The following AP2M1 variants were observed in gnomAD, a reference collection of about 807,000 sequenced individuals.
AP2M1 encodes AP-2 complex subunit mu.
Under a neutral mutation model 54.5 loss-of-function variants are expected in AP2M1, and 5 were observed. The observed-to-expected ratio is 0.09, with a 90% CI of 0.05 to 0.19. The LOEUF (loss-of-function observed/expected upper bound fraction) is 0.19. Among genes scored for constraint, AP2M1 ranks in the 10% least tolerant of loss-of-function variants. AP2M1 has a pLI of 1.00. For missense variants in AP2M1, 178 were observed against 580.2 expected, an observed-to-expected ratio of 0.31 and a Z score of 7.12; for synonymous variants, 186 against 208.2, an observed-to-expected ratio of 0.89 and a Z score of 0.92.
chr3:184,180,837 G>A lies in AP2M1; in HGVS notation c.430-12G>A. 6.2e-7 allele frequency: 1 copy of A among 1,614,206 alleles called. No homozygotes were observed. Among genetic ancestry groups the A allele is most frequent in the Non-Finnish European group, 8.5e-7 (1 of 1,180,048 alleles). On this transcript the variant is annotated splice_polypyrimidine_tract_variant and intron_variant, in intron 5 of 11. Coordinates refer to ENST00000292807, the MANE Select transcript of AP2M1 (RefSeq NM_004068.4). The surrounding 1 kb of genome is among the most constrained non-coding windows in gnomAD (Gnocchi z 4.9). ...AGTGAGGCCATTGCTGTTTGTTTCT[G>A]CCCTCATGTAGACAAAAGAAGAGCA...
At chr3:184,175,092 A>C in intron 1 of AP2M1, 133 bp downstream of exon 1, 1 of 396,502 alleles carries the variant, frequency 2.5e-6, no homozygotes, top group Non-Finnish European at 4.4e-6. Context: ...CAGCCTTCGG[A>C]CCCGGGAGCT....
In AP2M1 at chr3:184,180,635, C is replaced by T. The variant is rs757273499; in HGVS notation, c.424-10C>T. 4.3e-6 allele frequency: 7 copies of T among 1,613,922 alleles called. No homozygotes were observed. In the Admixed American group the frequency reaches 5.0e-5, roughly 12 times the overall value. On this transcript the variant is annotated splice_polypyrimidine_tract_variant and intron_variant, in intron 4 of 11. Transcript: ENST00000292807. This position sits in a 1 kb window ranked among gnomAD's most constrained non-coding sequence, Gnocchi z 4.9. ...TCATGTGGGCACCTCGTTGGCCCTG[C>T]GGCCTCCAGCATCAGGTAAGCTCTT...
chr3:184,180,135 T>C lies in AP2M1; in HGVS notation c.341-34T>C. 6.2e-7 allele frequency: 1 copy of C among 1,607,838 alleles called. No individual in the cohort carries two copies. The highest frequency in any genetic ancestry group is 1.1e-5 in the South Asian group (1 of 90,820). On this transcript the variant is annotated intron_variant, in intron 3 of 11. Transcript: ENST00000292807. The surrounding 1 kb of genome is among the most constrained non-coding windows in gnomAD (Gnocchi z 4.9). ...AGTAGGGGCTGGAATGAAGAAGCTC[T>C]GTCCAGGGGCTGATGGTTCCCTTCT...
intron 2 of AP2M1, chr3:184,177,930 T>G (rs2109028945): frequency 1.7e-6 from 1 of 598,720 alleles, no homozygotes. Flanking sequence ...TTGCGGGCGT[T>G]TGTCCATTGG....
chr3:184,179,574 T>C (rs898683664), intron 3 of AP2M1, among the ~76,000 whole-genome samples: 6 of 152,180 alleles, frequency 3.9e-5, no homozygotes, highest in African/African-American at 1.2e-4. Flanking sequence ...TACTTCCACC[T>C]TCCCAATGTC....
Position 184,182,402 on chromosome 3 carries a change from G to A in AP2M1, c.1061+154G>A. On this transcript the variant is annotated intron_variant, in intron 10 of 11. Transcript: ENST00000292807. This position sits in a 1 kb window ranked among gnomAD's most constrained non-coding sequence, Gnocchi z 5.5. Reference sequence around the variant, plus strand: ...GTACTGTCAGTCTTTATACCTCCATGTGAGTATGTACACGCCTGCATTTGG... The same window carrying A: ...GTACTGTCAGTCTTTATACCTCCATATGAGTATGTACACGCCTGCATTTGG... 1 of 777,852 alleles carries A rather than the reference G, an allele frequency of 1.3e-6. No homozygotes were observed. The highest frequency in any genetic ancestry group is 1.8e-5 in the South Asian group (1 of 54,420). The allele number at this position is 777,852 out of a possible 1,614,324, so 48.2% of individuals were successfully genotyped here.
rs906276005 is a variant in AP2M1, at chr3:184,175,094, C to A, written c.-44+135C>A. On this transcript the variant is annotated intron_variant, in intron 1 of 11. Coordinates refer to ENST00000292807, the MANE Select transcript of AP2M1 (RefSeq NM_004068.4). ...CCGGGAGTGGCTTCAGCCTTCGGAC[C>A]CGGGAGCTAGCTGACGGTGGGGCGG... The A allele has an allele frequency of 7.6e-6, 3 of 395,210 alleles. No homozygotes were observed. In the Admixed American group the frequency reaches 1.3e-4, roughly 17 times the overall value. The allele number at this position is 395,210 out of a possible 1,614,324, so 24.5% of individuals were successfully genotyped here. A position where few individuals can be genotyped will look rare whatever the true frequency, so the allele number is the denominator to read the frequency against.
rs1715178065 is a variant in AP2M1, at chr3:184,178,962, G to T, written c.180G>T (p.Arg60=). ...GCACCAGCTTCTTCCACGTTAAGCG[G>T]TCCAACATTTGGCTGGCAGCAGTCA... The part of the protein sequence containing the change: ...IARTSFFHVK[R]SNIWLAAVTK... The change falls in exon 3 of 12, where the codon CGG becomes CGT. Residue 60 remains arginine, a synonymous_variant. Coordinates refer to ENST00000292807, the MANE Select transcript of AP2M1 (RefSeq NM_004068.4). The surrounding 1 kb of genome is among the most constrained non-coding windows in gnomAD (Gnocchi z 4.9). 3 of 1,614,178 alleles carry T rather than the reference G, an allele frequency of 1.9e-6. No individual in the cohort carries two copies. The East Asian group carries it at 6.7e-5, about 36-fold the overall frequency.
At position 184,178,098 on chromosome 3, in the gene AP2M1, T is replaced by C; in HGVS notation, c.75-759T>C. On this transcript the variant is annotated intron_variant, in intron 2 of 11. Transcript: ENST00000292807. This position sits in a 1 kb window ranked among gnomAD's most constrained non-coding sequence, Gnocchi z 4.9. ...CCGCCTTGCCTGTCTTGTCTGCTTC[T>C]GCCTCACGGTGTGTGCCGCCCTCCC... is the stretch of plus-strand genomic sequence containing the variant. 1 of 1,265,482 alleles carries C rather than the reference T, an allele frequency of 7.9e-7. No individual in the cohort carries two copies. Among genetic ancestry groups the C allele is most frequent in the Non-Finnish European group, 1.1e-6 (1 of 900,630 alleles). 78.4% of individuals were successfully genotyped at this position (1,265,482 alleles called of 1,614,324 possible).
rs1229898508 is a variant in AP2M1 at position 184,178,233 on chromosome 3, C to T, written c.75-624C>T. 1 of 1,536,122 alleles carries T rather than the reference C, an allele frequency of 6.5e-7. No individual in the cohort carries two copies. Among genetic ancestry groups the T allele is most frequent in the Non-Finnish European group, 8.7e-7 (1 of 1,146,842 alleles). On this transcript the variant is annotated intron_variant, in intron 2 of 11. Transcript: ENST00000292807. The surrounding 1 kb of genome is among the most constrained non-coding windows in gnomAD (Gnocchi z 4.9). The stretch of plus-strand genomic sequence containing the variant: ...GCTGCCGTAGCAATAGGTAAGCGGC[C>T]TCTCAAGCTGCTGCCCAGGTACAGG...
chr3:184,177,423 C>T, intron 2 of AP2M1: 1 of 921,832 alleles, frequency 1.1e-6, no homozygotes, highest in South Asian at 1.6e-5. Flanking sequence ...AGTGGCCACG[C>T]TGGAGGCACT....
Position 184,182,562 on chromosome 3 carries a change from G to A in AP2M1, c.1062-195G>A, listed in dbSNP as rs748887017. ...AAACGATAGCATGTCCAAGTGTCTA[G>A]GCAGAAACTGCATCCTGTTGTTCTA... On this transcript the variant is annotated intron_variant, in intron 10 of 11. Coordinates refer to ENST00000292807, the MANE Select transcript of AP2M1 (RefSeq NM_004068.4). This position sits in a 1 kb window ranked among gnomAD's most constrained non-coding sequence, Gnocchi z 5.5. Among the ~76,000 whole-genome samples, 1 of 152,094 alleles carries A rather than the reference G, an allele frequency of 6.6e-6. No homozygotes were observed. Among genetic ancestry groups the A allele is most frequent in the African/African-American group, 2.4e-5 (1 of 41,404 alleles).
Position 184,180,191 on chromosome 3 carries a change from A to G in AP2M1, c.363A>G (p.Pro121=). 6.2e-7 allele frequency: 1 copy of G among 1,614,170 alleles called. No homozygotes were observed. Among genetic ancestry groups the G allele is most frequent in the African/African-American group, 1.3e-5 (1 of 75,036 alleles). The stretch of plus-strand genomic sequence containing the variant: ...CAGAGATTCTAGACTTTGGCTACCC[A>G]CAGAATTCCGAGACAGGCGCGCTGA... ...LLDEILDFGY[P]QNSETGALKT... Residue 121 remains proline, a synonymous_variant, in exon 4 of 12, where the codon CCA becomes CCG. Coordinates refer to ENST00000292807, the MANE Select transcript of AP2M1 (RefSeq NM_004068.4). This position sits in a 1 kb window ranked among gnomAD's most constrained non-coding sequence, Gnocchi z 4.9.
Position 184,181,337 on chromosome 3 carries a change from T to G in AP2M1, c.707+111T>G, listed in dbSNP as rs1201735998. The G allele has an allele frequency of 6.7e-7, 1 of 1,497,466 alleles. No individual in the cohort carries two copies. The highest frequency in any genetic ancestry group is 9.1e-7 in the Non-Finnish European group (1 of 1,094,128). 92.8% of individuals were successfully genotyped at this position (1,497,466 alleles called of 1,614,324 possible). A position where few individuals can be genotyped will look rare whatever the true frequency, so the allele number is the denominator to read the frequency against. On this transcript the variant is annotated intron_variant, in intron 7 of 11. Transcript: ENST00000292807. This position sits in a 1 kb window ranked among gnomAD's most constrained non-coding sequence, Gnocchi z 5.7. Reference sequence around the variant, plus strand: ...TCATTCCCACTGTAATTGCAAACTCTGTTCCTGACGGTAAGCCTGGCTGTT... The same window carrying G: ...TCATTCCCACTGTAATTGCAAACTCGGTTCCTGACGGTAAGCCTGGCTGTT...
Position 184,180,542 on chromosome 3 carries a change from G to A in AP2M1, c.424-103G>A, listed in dbSNP as rs1715238946. The A allele has an allele frequency of 6.3e-7, 1 of 1,579,696 alleles. No homozygotes were observed. Among genetic ancestry groups the A allele is most frequent in the East Asian group, 2.2e-5 (1 of 44,692 alleles). On this transcript the variant is annotated intron_variant, in intron 4 of 11. Coordinates refer to ENST00000292807, the MANE Select transcript of AP2M1 (RefSeq NM_004068.4). The surrounding 1 kb of genome is among the most constrained non-coding windows in gnomAD (Gnocchi z 4.9). The stretch of plus-strand genomic sequence containing the variant: ...GCCTGGTATTCCTCAGGAGGAGCGA[G>A]CTTGGGCCCTCTCCTCTAGGATCCA...
Position 184,180,688 on chromosome 3 carries a change from C to CT in AP2M1, c.429+41dup. 1 of 1,614,222 alleles carries CT rather than the reference C, an allele frequency of 6.2e-7. No homozygotes were observed. Among genetic ancestry groups the CT allele is most frequent in the Non-Finnish European group, 8.5e-7 (1 of 1,180,050 alleles). On this transcript the variant is annotated intron_variant, in intron 5 of 11. Transcript: ENST00000292807. The surrounding 1 kb of genome is among the most constrained non-coding windows in gnomAD (Gnocchi z 4.9). ...CTCAGCTTCCACCCTTGCAGCTTTG[C>CT]TTTGTTTCTCCAGGCCCTGCCCTTT...
intron 2 of AP2M1, among the ~76,000 whole-genome samples, chr3:184,177,345 C>T (rs1033916791): frequency 6.6e-6 from 1 of 152,238 alleles, no homozygotes. Context: ...AGTTACAGTG[C>T]CTTTGCCCAG....
At position 184,182,695 on chromosome 3, in the gene AP2M1, G is replaced by T; in HGVS notation, c.1062-62G>T. ...CTGGGCTCTCTCCTTGCTTGAAATG[G>T]GCAACTGCCCTTGAAACTCCTCCAA... On this transcript the variant is annotated intron_variant, in intron 10 of 11. Transcript: ENST00000292807. This position sits in a 1 kb window ranked among gnomAD's most constrained non-coding sequence, Gnocchi z 5.5. 1 of 1,467,208 alleles carries T rather than the reference G, an allele frequency of 6.8e-7. No individual in the cohort carries two copies. Among genetic ancestry groups the T allele is most frequent in the Admixed American group, 1.7e-5 (1 of 57,324 alleles). 90.9% of individuals were successfully genotyped at this position (1,467,208 alleles called of 1,614,324 possible).
Position 184,181,348 on chromosome 3 carries a change from G to A in AP2M1, c.707+122G>A. 1 of 1,442,392 alleles carries A rather than the reference G, an allele frequency of 6.9e-7. No homozygotes were observed. Among genetic ancestry groups the A allele is most frequent in the Non-Finnish European group, 9.5e-7 (1 of 1,049,622 alleles). The allele number at this position is 1,442,392 out of a possible 1,614,324, so 89.3% of individuals were successfully genotyped here. On this transcript the variant is annotated intron_variant, in intron 7 of 11. Transcript: ENST00000292807. The surrounding 1 kb of genome is among the most constrained non-coding windows in gnomAD (Gnocchi z 5.7). ...GTAATTGCAAACTCTGTTCCTGACG[G>A]TAAGCCTGGCTGTTCGCTCTTGACA... is the stretch of plus-strand genomic sequence containing the variant.
Sources: gnomAD v4.1 joint callset for allele counts (sites outside exome capture counted in the v4.1 genomes callset) on GRCh38, gnomAD v4.1.1 for gene constraint, Gnocchi (gnomAD v3.1) non-coding constraint, MANE v1.5 for transcripts, NCBI Gene and HGNC (gene_info 2026-07-23, HGNC 2026-07-21) for gene names.